GRIA4: variants seen among roughly 807,000 people sequenced by gnomAD.
GRIA4 encodes glutamate receptor 4.
A neutral mutation model predicts 104.0 loss-of-function variants in GRIA4; 34 were observed. The ratio of observed to expected loss-of-function variants is 0.33; its 90% CI spans 0.25 to 0.44. The LOEUF (loss-of-function observed/expected upper bound fraction) is 0.44. Among genes scored for constraint, GRIA4 ranks in the 20% least tolerant of loss-of-function variants. The pLI, the probability that GRIA4 is intolerant of heterozygous loss-of-function variation, is 1.00. For synonymous variants in GRIA4, 386 were observed against 381.9 expected, an observed-to-expected ratio of 1.01 and a Z score of -0.13; for missense variants, 750 against 1,096.5, an observed-to-expected ratio of 0.68 and a Z score of 4.46.
chr11:105,720,768 A>G (rs1360318396), intron 3 of GRIA4, among the ~76,000 whole-genome samples: 1 of 152,232 alleles, frequency 6.6e-6, no homozygotes, highest in Non-Finnish European at 1.5e-5. Flanking sequence ...CCAACCTGTC[A>G]TATCACAGAG....
At position 105,770,260 on chromosome 11, in the gene GRIA4, T is replaced by C. The variant is rs1161826759; in HGVS notation, c.487+17040T>C. On this transcript the variant is annotated intron_variant, in intron 4 of 16. Coordinates refer to ENST00000282499, the MANE Select transcript of GRIA4 (RefSeq NM_000829.4). ...TACTTGTGGGTACATTTTTATTTGG[T>C]TGTTTAACTCTGCAGAATTTTGCAA... 2.0e-5 allele frequency among the ~76,000 whole-genome samples: 3 copies of C among 152,224 alleles called. No homozygotes were observed. In the East Asian group the frequency reaches 5.8e-4, roughly 29 times the overall value.
At chr11:105,699,406 G>GA (rs1230814149) in intron 3 of GRIA4, among the ~76,000 whole-genome samples, 2 of 152,148 alleles carry the variant, frequency 1.3e-5, no homozygotes, top group Non-Finnish European at 2.9e-5. Flanking sequence ...ACTGGAACAA[G>GA]ATCATAGTTT....
chr11:105,726,870 C>T (rs186357852), intron 3 of GRIA4, among the ~76,000 whole-genome samples: 1 of 152,104 alleles, frequency 6.6e-6, no homozygotes, highest in East Asian at 1.9e-4. Context: ...AGCAAAAACT[C>T]CATCCAAAGG....
chr11:105,872,296 A>G (rs566048551), intron 5 of GRIA4, among the ~76,000 whole-genome samples: 36 of 152,282 alleles, frequency 2.4e-4, no homozygotes, highest in African/African-American at 8.4e-4. Flanking sequence ...AAGGACATTC[A>G]GATGATATTA....
At chr11:105,800,131 G>T (rs954727567) in intron 4 of GRIA4, among the ~76,000 whole-genome samples, 2 of 152,078 alleles carry the variant, frequency 1.3e-5, no homozygotes, top group African/African-American at 4.8e-5. Context: ...GTTCTAGTGG[G>T]ATCAAAGGAT....
chr11:105,882,518 G>C (rs984286916), intron 5 of GRIA4, among the ~76,000 whole-genome samples: 1 of 152,110 alleles, frequency 6.6e-6, no homozygotes, highest in South Asian at 2.1e-4. Flanking sequence ...TAATATGTTA[G>C]TGTTTCTGAC....
intron 4 of GRIA4, among the ~76,000 whole-genome samples, chr11:105,799,801 C>T (rs1226715721): frequency 2.6e-5 from 4 of 151,912 alleles, no homozygotes; most frequent in African/African-American, 9.7e-5. Context: ...AATCATCTAG[C>T]AAATTAAGAA....
At chr11:105,756,503 A>T (rs1388099089) in intron 4 of GRIA4, among the ~76,000 whole-genome samples, 1 of 152,140 alleles carries the variant, frequency 6.6e-6, no homozygotes, top group Non-Finnish European at 1.5e-5. Flanking sequence ...CAATAGCAAA[A>T]TAGTTAGTTT....
chr11:105,756,067 G>T (rs1427582681), intron 4 of GRIA4, among the ~76,000 whole-genome samples: 2 of 152,048 alleles, frequency 1.3e-5, no homozygotes, highest in African/African-American at 4.8e-5. Flanking sequence ...CTCTCTTTAT[G>T]TATCTGTATA....
chr11:105,743,780 C>A (rs952935507), intron 3 of GRIA4, among the ~76,000 whole-genome samples: 3 of 152,104 alleles, frequency 2.0e-5, no homozygotes, highest in South Asian at 4.1e-4. Context: ...GTGATACCAC[C>A]GCTATCCATT....
chr11:105,970,429 T>C (rs1858625541), intron 14 of GRIA4, among the ~76,000 whole-genome samples: 1 of 152,174 alleles, frequency 6.6e-6, no homozygotes, highest in South Asian at 2.1e-4. Flanking sequence ...AGCTATGAAA[T>C]CATACTATCA....
chr11:105,975,222 C>G (rs1858915501), intron 16 of GRIA4, among the ~76,000 whole-genome samples: 1 of 152,084 alleles, frequency 6.6e-6, no homozygotes, highest in South Asian at 2.1e-4. Context: ...AACTTTTATG[C>G]TCAAAGTATC....
chr11:105,818,475 C>T (rs1943461348), intron 4 of GRIA4, among the ~76,000 whole-genome samples: 1 of 152,140 alleles, frequency 6.6e-6, no homozygotes. Flanking sequence ...GAATCTTCAT[C>T]TTGCTTGCTT....
At chr11:105,931,223 T>C (rs1947863823) in intron 13 of GRIA4, among the ~76,000 whole-genome samples, 1 of 151,626 alleles carries the variant, frequency 6.6e-6, no homozygotes, top group Non-Finnish European at 1.5e-5. Flanking sequence ...AATTTTCTAA[T>C]ATGAGGATTC....
chr11:105,807,501 G>A (rs191220341), intron 4 of GRIA4, among the ~76,000 whole-genome samples: 110 of 151,962 alleles, frequency 7.2e-4, no homozygotes, highest in African/African-American at 2.6e-3. Flanking sequence ...GCTTACCTCT[G>A]AGGAATAAAA....
chr11:105,668,538 G>A (rs1015384882), intron 3 of GRIA4, among the ~76,000 whole-genome samples: 3 of 151,238 alleles, frequency 2.0e-5, no homozygotes, highest in Non-Finnish European at 4.4e-5. Context: ...TGGCTCATAG[G>A]GTAGTTCTAT....
At chr11:105,610,865 CTTTTCTTTTTTT>C (rs1950455135) in intron 1 of GRIA4, 31 bp from the exon 2 acceptor site, 3 of 505,882 alleles carry the variant, frequency 5.9e-6, no homozygotes, top group South Asian at 5.2e-5. Flanking sequence ...TCTTTTCTTT[CTTTTCTTTTTTT>C]TTTTTTTTTT....
chr11:105,710,786 T>C (rs1480511267), intron 3 of GRIA4, among the ~76,000 whole-genome samples: 2 of 152,096 alleles, frequency 1.3e-5, no homozygotes, highest in African/African-American at 2.4e-5. Flanking sequence ...TCATGGAAAA[T>C]TAACTGAAAT....
intron 3 of GRIA4, among the ~76,000 whole-genome samples, chr11:105,716,282 C>T (rs909605991): frequency 6.6e-6 from 1 of 152,012 alleles, no homozygotes; most frequent in African/African-American, 2.4e-5. Flanking sequence ...TTTGCAATAA[C>T]ACAGAAGAAA....
Sources: gnomAD v4.1 joint callset for allele counts (sites outside exome capture counted in the v4.1 genomes callset) on GRCh38, gnomAD v4.1.1 for gene constraint, MANE v1.5 for transcripts, NCBI Gene and HGNC (gene_info 2026-07-23, HGNC 2026-07-21) for gene names.